Variants in RAD54B observed in about 807,000 individuals in gnomAD.
RAD54B encodes DNA repair and recombination protein RAD54B.
RAD54B carries 78 observed loss-of-function variants against 95.8 expected under a neutral mutation model. The observed-to-expected ratio is 0.81, with a 90% CI of 0.68 to 0.98. RAD54B has a LOEUF of 0.98. Among genes scored for constraint, RAD54B ranks in the 50% least tolerant of loss-of-function variants. The probability of loss-of-function intolerance (pLI) is 0.00; values close to 1 mark genes in which losing one functional copy is unlikely to be tolerated. For missense variants in RAD54B, 957 were observed against 1,056.6 expected (o/e 0.91, Z 1.31); for synonymous variants, 328 against 354.9 (o/e 0.92, Z 0.85).
chr8:94,438,987 G>T, intron 3 of RAD54B, among the ~76,000 whole-genome samples: 1 of 152,154 alleles, frequency 6.6e-6, no homozygotes, highest in African/African-American at 2.4e-5. Context: ...AGCTATTCGG[G>T]AACCTGAGGT....
At chr8:94,473,560 A>G (rs917001981) in intron 1 of RAD54B, among the ~76,000 whole-genome samples, 2 of 152,190 alleles carry the variant, frequency 1.3e-5, no homozygotes, top group African/African-American at 4.8e-5. Flanking sequence ...TAAGCACTCA[A>G]TGTTATCTGT....
intron 3 of RAD54B, chr8:94,429,521 G>C: frequency 1.0e-6 from 1 of 984,512 alleles, no homozygotes; most frequent in Non-Finnish European, 1.2e-6. Context: ...TCAATTCTTA[G>C]TAGCATGCTG....
intron 3 of RAD54B, among the ~76,000 whole-genome samples, chr8:94,447,929 C>A (rs1171209835): frequency 6.6e-6 from 1 of 152,160 alleles, no homozygotes; most frequent in Non-Finnish European, 1.5e-5. Flanking sequence ...CCTGGAATTT[C>A]CAGTTATACA....
chr8:94,416,668 T>C (rs1292791230), intron 3 of RAD54B, among the ~76,000 whole-genome samples: 1 of 152,038 alleles, frequency 6.6e-6, no homozygotes, highest in East Asian at 1.9e-4. Context: ...AAAATACATA[T>C]TAAAAACCTG....
At chr8:94,424,657 T>A (rs1318925732) in intron 3 of RAD54B, among the ~76,000 whole-genome samples, 1 of 152,204 alleles carries the variant, frequency 6.6e-6, no homozygotes, top group African/African-American at 2.4e-5. Flanking sequence ...CTATAATTTC[T>A]TAACTGTAAA....
At chr8:94,407,780 G>A (rs776413314) in intron 4 of RAD54B, 60 bp from the exon 5 acceptor site, 29 of 1,421,278 alleles carry the variant, frequency 2.0e-5, no homozygotes, top group Admixed American at 6.7e-5. Flanking sequence ...TCACCTTCCC[G>A]TAACTGTACA....
At chr8:94,448,711 C>T (rs1178379378) in intron 3 of RAD54B, among the ~76,000 whole-genome samples, 1 of 119,902 alleles carries the variant, frequency 8.3e-6, no homozygotes, top group African/African-American at 3.2e-5. Context: ...AAAAAAAAGG[C>T]CAAACATACA....
At chr8:94,438,900 C>T (rs1459521555) in intron 3 of RAD54B, among the ~76,000 whole-genome samples, 8 of 151,984 alleles carry the variant, frequency 5.3e-5, no homozygotes, top group African/African-American at 7.2e-5. Flanking sequence ...AAGACCAGAC[C>T]GGGCAACATG....
In RAD54B at chr8:94,404,200, C is replaced by T. The variant is rs776009216; in HGVS notation, c.821G>A (p.Trp274Ter). 1.4e-5 allele frequency: 23 copies of T among 1,609,322 alleles called. No homozygotes were observed. In the South Asian group the frequency reaches 1.9e-4, roughly 13 times the overall value. ...VMPRPDKNHQ[W>*]VFNKNCFPLV... ...AGGGAAACAGTTCTTATTGAATACC[C>T]ACTGGTGATTCTTATCTGGTCGTGG... The change falls in exon 6 of 15, where the codon TGG becomes TAG. Residue 274 changes from tryptophan (W) to a stop codon, truncating the protein, a stop_gained. Coordinates refer to ENST00000336148, the MANE Select transcript of RAD54B (RefSeq NM_012415.3). LOFTEE classifies it high-confidence loss of function.
intron 1 of RAD54B, among the ~76,000 whole-genome samples, chr8:94,469,084 A>C (rs1048544871): frequency 6.6e-6 from 1 of 150,728 alleles, no homozygotes; most frequent in Non-Finnish European, 1.5e-5. Flanking sequence ...CTTGAGCCCA[A>C]GAGAGCCCAT....
intron 3 of RAD54B, among the ~76,000 whole-genome samples, chr8:94,433,767 G>A (rs1313652570): frequency 6.6e-6 from 1 of 151,394 alleles, no homozygotes; most frequent in Admixed American, 6.6e-5. Flanking sequence ...TTAGATCATT[G>A]AACATGAATG....
chr8:94,427,520 T>A (rs1025518018), intron 3 of RAD54B, among the ~76,000 whole-genome samples: 1 of 152,028 alleles, frequency 6.6e-6, no homozygotes. Context: ...CCATCAAATA[T>A]TTGATTTTGA....
chr8:94,419,188 G>A (rs1811742316), intron 3 of RAD54B, among the ~76,000 whole-genome samples: 1 of 152,148 alleles, frequency 6.6e-6, no homozygotes, highest in African/African-American at 2.4e-5. Flanking sequence ...AGGCATAAAA[G>A]AATTTCAATT....
rs559450718 is a variant in RAD54B at position 94,470,929 on chromosome 8, AGCCAT to A, written c.-16-3379_-16-3375del. On this transcript the variant is annotated intron_variant, in intron 1 of 14. Transcript: ENST00000336148. ...TCGAGTCAGTACTATTCCCCAAGCTAGCCATGTTCTCTTTTTCTCTAGGCTTTGAA... is the reference window on the plus strand; with the variant it reads ...TCGAGTCAGTACTATTCCCCAAGCTAGTTCTCTTTTTCTCTAGGCTTTGAA... Among the ~76,000 whole-genome samples, 5 of 152,308 alleles carry A rather than the reference AGCCAT, an allele frequency of 3.3e-5. No homozygotes were observed. In the South Asian group the frequency reaches 1.0e-3, roughly 32 times the overall value.
rs746251354 is a variant in RAD54B at position 94,458,362 on chromosome 8, T to G, written c.210A>C (p.Glu70Asp). The change falls in exon 3 of 15, where the codon GAA becomes GAC. Residue 70 changes from glutamate to aspartate, a missense_variant. Coordinates refer to ENST00000336148, the MANE Select transcript of RAD54B (RefSeq NM_012415.3). ...LRICSLNLPS[E>D]ESTREINNRD... ...TGTTATTGATTTCTCTAGTACTTTC[T>G]TCACTAGGCAGATTTAAACTGCATA... The G allele has an allele frequency of 1.4e-5, 23 of 1,608,862 alleles. No individual in the cohort carries two copies. In the South Asian group the frequency reaches 2.5e-4, roughly 17 times the overall value.
chr8:94,449,742 T>G (rs969819861), intron 3 of RAD54B, among the ~76,000 whole-genome samples: 2 of 152,104 alleles, frequency 1.3e-5, no homozygotes, highest in African/African-American at 2.4e-5. Context: ...AGGATGCATA[T>G]GAGAGAGTCA....
intron 6 of RAD54B, among the ~76,000 whole-genome samples, chr8:94,403,302 T>C (rs976056012): frequency 3.3e-5 from 5 of 152,330 alleles, no homozygotes; most frequent in Admixed American, 2.6e-4. Context: ...AAGATACTAC[T>C]ATTCTTTAAT....
chr8:94,473,497 T>C (rs1563670292), intron 1 of RAD54B, among the ~76,000 whole-genome samples: 1 of 152,190 alleles, frequency 6.6e-6, no homozygotes, highest in East Asian at 1.9e-4. Flanking sequence ...ACCGGACTGT[T>C]GGGAGGATTA....
At chr8:94,457,485 C>A (rs1812803625) in intron 3 of RAD54B, among the ~76,000 whole-genome samples, 1 of 152,156 alleles carries the variant, frequency 6.6e-6, no homozygotes, top group African/African-American at 2.4e-5. Context: ...CAAACCCATT[C>A]ACAGGTAAAA....
Sources: gnomAD v4.1 joint callset for allele counts (sites outside exome capture counted in the v4.1 genomes callset) on GRCh38, gnomAD v4.1.1 for gene constraint, MANE v1.5 for transcripts, NCBI Gene and HGNC (gene_info 2026-07-23, HGNC 2026-07-21) for gene names.